SERPINE2: variants seen among roughly 807,000 people sequenced by gnomAD.
The protein encoded by SERPINE2 is serpin family E member 2.
SERPINE2 carries 14 observed loss-of-function variants against 36.3 expected under a neutral mutation model. The ratio of observed to expected loss-of-function variants is 0.39; its 90% CI spans 0.25 to 0.60. SERPINE2 has a LOEUF of 0.60. Among genes scored for constraint, SERPINE2 ranks in the 20% least tolerant of loss-of-function variants. SERPINE2 has a pLI of 0.57. For synonymous variants in SERPINE2, 192 were observed against 191.8 expected, an observed-to-expected ratio of 1.00 and a Z score of -0.01; for missense variants, 418 against 499.6, an observed-to-expected ratio of 0.84 and a Z score of 1.56.
At position 223,993,530 on chromosome 2, in the gene SERPINE2, A is replaced by ATGTGTGTGTG. The variant is rs36049464; in HGVS notation, c.488-1540_488-1531dup. 2.9e-3 allele frequency among the ~76,000 whole-genome samples: 438 copies of ATGTGTGTGTG among 149,902 alleles called. 2 individuals carry two copies. The highest frequency in any genetic ancestry group is 9.6e-3 in the African/African-American group (394 of 40,832). On this transcript the variant is annotated intron_variant, in intron 3 of 8. Coordinates refer to ENST00000409304, the MANE Select transcript of SERPINE2 (RefSeq NM_001136528.2). ...TTCACTGCATTATTAGCTCAAATAT[A>ATGTGTGTGTG]TGTGTGTGTGTGTGTGTGTGTGTGT...
At chr2:224,026,267 T>C (rs1352172288) in intron 1 of SERPINE2, among the ~76,000 whole-genome samples, 6 of 152,254 alleles carry the variant, frequency 3.9e-5, no homozygotes, top group Non-Finnish European at 5.9e-5. Context: ...TCCATCATGT[T>C]TGAGTCACGG....
chr2:223,977,667 G>T, intron 7 of SERPINE2, 40 bp from the exon 8 acceptor site: 1 of 1,401,130 alleles, frequency 7.1e-7, no homozygotes, highest in South Asian at 1.2e-5. Flanking sequence ...CACATTACAT[G>T]AGACCATGTA....
At chr2:223,980,234 T>C in intron 7 of SERPINE2, 77 bp downstream of exon 7, 4 of 1,215,684 alleles carry the variant, frequency 3.3e-6, no homozygotes, top group Non-Finnish European at 4.9e-6. Context: ...CATTACATAT[T>C]TGCTCAACCA....
At chr2:224,002,033 G>T in intron 1 of SERPINE2, 111 bp from the exon 2 acceptor site, 1 of 1,027,922 alleles carries the variant, frequency 9.7e-7, no homozygotes, top group Non-Finnish European at 1.4e-6. Context: ...CTGGAGTGAA[G>T]TGGTGCCATC....
chr2:224,034,883 C>A (rs1190650396), intron 1 of SERPINE2, among the ~76,000 whole-genome samples: 1 of 152,218 alleles, frequency 6.6e-6, no homozygotes, highest in Non-Finnish European at 1.5e-5. Flanking sequence ...TCTGTATTAA[C>A]TACCCTACAG....
At chr2:223,980,812 T>A (rs1486707576) in intron 6 of SERPINE2, 1 of 182,140 alleles carries the variant, frequency 5.5e-6, no homozygotes. Flanking sequence ...ATGGGGAAAC[T>A]GAGGCCTAGA....
chr2:224,038,240 G>A (rs1157489316), intron 1 of SERPINE2, among the ~76,000 whole-genome samples: 3 of 152,088 alleles, frequency 2.0e-5, no homozygotes, highest in Non-Finnish European at 2.9e-5. Context: ...TTATGCTGAT[G>A]CTAAATATAA....
At chr2:223,989,080 T>C (rs1272648494) in intron 4 of SERPINE2, among the ~76,000 whole-genome samples, 2 of 152,218 alleles carry the variant, frequency 1.3e-5, no homozygotes, top group African/African-American at 2.4e-5. Context: ...CCATATATAT[T>C]GTACATGGAG....
intron 4 of SERPINE2, among the ~76,000 whole-genome samples, chr2:223,991,234 A>G (rs2106149569): frequency 6.6e-6 from 1 of 152,114 alleles, no homozygotes; most frequent in Non-Finnish European, 1.5e-5. Context: ...GCTTCTATTT[A>G]TTTGTCATTG....
At chr2:223,983,342 C>CTCCT (rs1690294982) in intron 5 of SERPINE2, among the ~76,000 whole-genome samples, 2 of 152,262 alleles carry the variant, frequency 1.3e-5, no homozygotes, top group East Asian at 3.9e-4. Context: ...CAACCTCTGC[C>CTCCT]TCCTGGGTTC....
chr2:224,010,748 T>C (rs1249086892), intron 1 of SERPINE2, among the ~76,000 whole-genome samples: 1 of 152,168 alleles, frequency 6.6e-6, no homozygotes, highest in Admixed American at 6.5e-5. Flanking sequence ...CTGAAAGACA[T>C]AGTAACCAGC....
At position 223,975,809 on chromosome 2, in the gene SERPINE2, G is replaced by A; in HGVS notation, c.*58C>T. The A allele has an allele frequency of 1.5e-6, 2 of 1,355,612 alleles. No individual in the cohort carries two copies. The highest frequency in any genetic ancestry group is 2.0e-6 in the Non-Finnish European group (2 of 978,726). 84.0% of individuals were successfully genotyped at this position (1,355,612 alleles called of 1,614,324 possible). A position where few individuals can be genotyped will look rare whatever the true frequency, so the allele number is the denominator to read the frequency against. On this transcript the variant is annotated 3_prime_UTR_variant, in exon 9 of 9. Coordinates refer to ENST00000409304, the MANE Select transcript of SERPINE2 (RefSeq NM_001136528.2). ...ACAGAACTATGAAAGATGCAGGAAA[G>A]GAGTCTTTCTTCGTAGCAAAGTAGT...
chr2:223,998,441 G>A, intron 2 of SERPINE2, 99 bp from the exon 3 acceptor site: 1 of 846,228 alleles, frequency 1.2e-6, no homozygotes, highest in Non-Finnish European at 1.9e-6. Flanking sequence ...GTATAGGCCA[G>A]GTGCAGTGGC....
intron 1 of SERPINE2, among the ~76,000 whole-genome samples, chr2:224,004,277 A>G (rs1332536349): frequency 1.3e-5 from 2 of 152,204 alleles, no homozygotes; most frequent in Admixed American, 1.3e-4. Flanking sequence ...GCCCCCCGAC[A>G]CAGAGGGCCC....
chr2:223,978,074 C>T, intron 7 of SERPINE2: 1 of 160,038 alleles, frequency 6.2e-6, no homozygotes, highest in Non-Finnish European at 1.4e-5. Flanking sequence ...CTCTGTCACC[C>T]AGGCTGGAGT....
intron 1 of SERPINE2, among the ~76,000 whole-genome samples, chr2:224,016,571 G>C (rs982915757): frequency 1.3e-5 from 2 of 151,644 alleles, no homozygotes; most frequent in Non-Finnish European, 2.9e-5. Context: ...ATGTAAGTTT[G>C]GCCGTTTCTT....
At chr2:224,037,229 G>A (rs1692564339) in intron 1 of SERPINE2, among the ~76,000 whole-genome samples, 1 of 152,156 alleles carries the variant, frequency 6.6e-6, no homozygotes, top group Admixed American at 6.5e-5. Flanking sequence ...CAGGGGAGAT[G>A]GGGGAGGACG....
At chr2:224,014,783 A>G (rs897569846) in intron 1 of SERPINE2, among the ~76,000 whole-genome samples, 2 of 152,332 alleles carry the variant, frequency 1.3e-5, no homozygotes, top group Middle Eastern at 3.4e-3. Context: ...AGTGTCCCCT[A>G]TTAAGTTGGT....
intron 1 of SERPINE2, among the ~76,000 whole-genome samples, chr2:224,032,592 T>C (rs1692416321): frequency 6.6e-6 from 1 of 152,214 alleles, no homozygotes; most frequent in African/African-American, 2.4e-5. Flanking sequence ...TTTTTTCTTT[T>C]ATATTAAAGT....
Sources: gnomAD v4.1 joint callset for allele counts (sites outside exome capture counted in the v4.1 genomes callset) on GRCh38, gnomAD v4.1.1 for gene constraint, MANE v1.5 for transcripts, NCBI Gene and HGNC (gene_info 2026-07-23, HGNC 2026-07-21) for gene names.